The following CTNNA2 variants were observed in gnomAD, a reference collection of about 807,000 sequenced individuals.
CTNNA2 encodes catenin alpha-2.
In CTNNA2, 42 loss-of-function variants were observed where a neutral mutation model predicts 101.0. That is an observed-to-expected ratio of 0.42 (90% CI 0.32 to 0.54). The LOEUF is 0.54. Ranked by LOEUF, CTNNA2 falls within the 20% of genes least tolerant of loss-of-function variation. The pLI, the probability that CTNNA2 is intolerant of heterozygous loss-of-function variation, is 0.14. For synonymous variants in CTNNA2, 450 were observed against 456.4 expected, an observed-to-expected ratio of 0.99 and a Z score of 0.18; for missense variants, 871 against 1,223.1, an observed-to-expected ratio of 0.71 and a Z score of 4.29.
chr2:80,500,405 G>A (rs181377123), intron 9 of CTNNA2, among the ~76,000 whole-genome samples: 13 of 151,654 alleles, frequency 8.6e-5, no homozygotes, highest in Admixed American at 4.6e-4. Flanking sequence ...CCACCCATCC[G>A]CCTACCCATC....
At chr2:80,274,193 A>T (rs1673716017) in intron 7 of CTNNA2, among the ~76,000 whole-genome samples, 1 of 152,166 alleles carries the variant, frequency 6.6e-6, no homozygotes, top group Admixed American at 6.5e-5. Flanking sequence ...AAAGGCCGAG[A>T]CAATAGGGAA....
chr2:79,616,113 T>C (rs2104244247), intron 1 of CTNNA2, among the ~76,000 whole-genome samples: 1 of 152,324 alleles, frequency 6.6e-6, no homozygotes, highest in African/African-American at 2.4e-5. Flanking sequence ...ACATACTTAC[T>C]ATCTGGCCAT....
chr2:80,505,344 C>G (rs774738175), intron 9 of CTNNA2, among the ~76,000 whole-genome samples: 6 of 152,200 alleles, frequency 3.9e-5, no homozygotes, highest in Admixed American at 1.3e-4. Context: ...CTTCTCACAT[C>G]AGGGGAGCAA....
chr2:79,397,194 C>G (rs1678242594), intron 4 of CTNNA2, among the ~76,000 whole-genome samples: 1 of 152,108 alleles, frequency 6.6e-6, no homozygotes, highest in East Asian at 1.9e-4. Context: ...TTTATTGCCT[C>G]AAACATTTAT....
At chr2:80,065,313 A>G (rs1697906723) in intron 7 of CTNNA2, among the ~76,000 whole-genome samples, 1 of 151,604 alleles carries the variant, frequency 6.6e-6, no homozygotes, top group South Asian at 2.1e-4. Flanking sequence ...CTAGTGGTAA[A>G]GGCCATTGTA....
At chr2:79,719,116 C>T (rs1416805451) in intron 2 of CTNNA2, among the ~76,000 whole-genome samples, 1 of 152,040 alleles carries the variant, frequency 6.6e-6, no homozygotes, top group Non-Finnish European at 1.5e-5. Context: ...GTGTTTAGCT[C>T]CCCCTTATAA....
At chr2:80,186,032 C>T (rs909326327) in intron 7 of CTNNA2, among the ~76,000 whole-genome samples, 2 of 152,174 alleles carry the variant, frequency 1.3e-5, no homozygotes, top group Admixed American at 1.3e-4. Context: ...AGCTGGTGCT[C>T]TCCTTTCTCC....
chr2:79,974,998 A>G (rs1320890514), intron 7 of CTNNA2, among the ~76,000 whole-genome samples: 1 of 152,164 alleles, frequency 6.6e-6, no homozygotes, highest in Non-Finnish European at 1.5e-5. Context: ...CCTGAGGCCC[A>G]GAGTGTTCAG....
chr2:80,220,186 T>C (rs1446846269), intron 7 of CTNNA2, among the ~76,000 whole-genome samples: 1 of 152,192 alleles, frequency 6.6e-6, no homozygotes, highest in Non-Finnish European at 1.5e-5. Flanking sequence ...TCCTTTGCCC[T>C]CTTCTTCTGC....
intron 4 of CTNNA2, among the ~76,000 whole-genome samples, chr2:79,393,628 GAAA>G (rs71385270): frequency 3.0e-4 from 27 of 89,016 alleles, no homozygotes; most frequent in African/African-American, 9.8e-4. Flanking sequence ...TGTTCACAGA[GAAA>G]AAAAAAAAAA....
intron 4 of CTNNA2, among the ~76,000 whole-genome samples, chr2:79,439,982 A>G (rs1678759395): frequency 6.6e-6 from 1 of 152,134 alleles, no homozygotes; most frequent in Non-Finnish European, 1.5e-5. Flanking sequence ...AATAAATAAT[A>G]TTGTTAAAAA....
intron 9 of CTNNA2, among the ~76,000 whole-genome samples, chr2:80,512,021 G>A (rs1688738273): frequency 6.6e-6 from 1 of 151,684 alleles, no homozygotes; most frequent in African/African-American, 2.4e-5. Flanking sequence ...ATAGTGGTGG[G>A]CACCTGTAAT....
At chr2:80,557,614 A>C (rs940141847) in intron 12 of CTNNA2, among the ~76,000 whole-genome samples, 1 of 152,156 alleles carries the variant, frequency 6.6e-6, no homozygotes, top group African/African-American at 2.4e-5. Context: ...TGGCAGATGA[A>C]AGATACAGAG....
chr2:80,292,204 C>T (rs1380508368), intron 7 of CTNNA2, among the ~76,000 whole-genome samples: 1 of 152,194 alleles, frequency 6.6e-6, no homozygotes, highest in Non-Finnish European at 1.5e-5. Context: ...ACATGCCAGA[C>T]ACCATTCTAA....
intron 3 of CTNNA2, among the ~76,000 whole-genome samples, chr2:79,822,445 T>A (rs61520837): frequency 0.015 from 2,334 of 152,294 alleles, 55 homozygotes; most frequent in African/African-American, 0.052. Flanking sequence ...AAAAATCTTA[T>A]AGCACTGTGT....
chr2:79,387,623 C>T (rs1029150657), intron 4 of CTNNA2, among the ~76,000 whole-genome samples: 7 of 152,160 alleles, frequency 4.6e-5, no homozygotes, highest in African/African-American at 7.2e-5. Context: ...AGGTTGGCAC[C>T]GACACTTCCA....
chr2:80,604,674 T>C (rs1254787463), intron 16 of CTNNA2, among the ~76,000 whole-genome samples: 1 of 152,052 alleles, frequency 6.6e-6, no homozygotes, highest in Admixed American at 6.6e-5. Context: ...CCAGGAAATT[T>C]AGGTTGCACA....
intron 6 of CTNNA2, among the ~76,000 whole-genome samples, chr2:79,883,182 T>G (rs1263672989): frequency 6.6e-6 from 1 of 152,228 alleles, no homozygotes; most frequent in Non-Finnish European, 1.5e-5. Flanking sequence ...ATATTAATAG[T>G]CACGAGTGTG....
chr2:80,193,047 C>T (rs1706618237), intron 7 of CTNNA2, among the ~76,000 whole-genome samples: 4 of 152,262 alleles, frequency 2.6e-5, no homozygotes, highest in South Asian at 4.1e-4. Context: ...TACTGTCCCT[C>T]AATTCTCAGT....
Sources: allele counts gnomAD v4.1 joint callset (sites outside exome capture counted in the v4.1 genomes callset), GRCh38; gene constraint gnomAD v4.1.1; transcripts MANE v1.5; gene names NCBI Gene and HGNC (gene_info 2026-07-23, HGNC 2026-07-21).